PPARGC1A: variants seen among roughly 807,000 people sequenced by gnomAD.
PPARGC1A encodes peroxisome proliferator-activated receptor gamma coactivator 1-alpha.
In PPARGC1A, 25 loss-of-function variants were observed where a neutral mutation model predicts 88.7. The ratio of observed to expected loss-of-function variants is 0.28; its 90% CI spans 0.21 to 0.39. The LOEUF (loss-of-function observed/expected upper bound fraction) is 0.39, where lower values mean the gene tolerates loss of function less well. Ranked by LOEUF, PPARGC1A falls within the 10% of genes least tolerant of loss-of-function variation. PPARGC1A has a pLI of 1.00. For missense variants in PPARGC1A, 880 were observed against 968.7 expected (o/e 0.91, Z 1.22); for synonymous variants, 363 against 355.6 (o/e 1.02, Z -0.24).
the PPARGC1A span, among the ~76,000 whole-genome samples, chr4:24,265,615 G>C: frequency 1.3e-5 from 2 of 152,078 alleles, no homozygotes; most frequent in African/African-American, 4.8e-5. Context: ...ATTCCATAGG[G>C]ATGTGTTGAT....
chr4:23,800,082 A>G (rs1718385742), intron 12 of PPARGC1A, among the ~76,000 whole-genome samples: 1 of 152,194 alleles, frequency 6.6e-6, no homozygotes, highest in African/African-American at 2.4e-5. Context: ...AACAATGCAC[A>G]TCACCTGTAT....
the PPARGC1A span, among the ~76,000 whole-genome samples, chr4:24,398,768 A>G: frequency 1.3e-5 from 2 of 152,188 alleles, no homozygotes; most frequent in Non-Finnish European, 1.5e-5. Flanking sequence ...GCATTTCTCC[A>G]GGGGTTAATG....
chr4:24,410,680 G>A, the PPARGC1A span, among the ~76,000 whole-genome samples: 1 of 152,286 alleles, frequency 6.6e-6, no homozygotes, highest in Admixed American at 6.5e-5. Flanking sequence ...AGCACAGCTA[G>A]AATAAAGCAG....
At chr4:24,205,151 G>A in the PPARGC1A span, among the ~76,000 whole-genome samples, 1 of 152,130 alleles carries the variant, frequency 6.6e-6, no homozygotes, top group African/African-American at 2.4e-5. Flanking sequence ...CTGAGTGTCA[G>A]CAGCAGGAAA....
the PPARGC1A span, among the ~76,000 whole-genome samples, chr4:23,978,513 C>T: frequency 6.6e-6 from 1 of 152,166 alleles, no homozygotes; most frequent in Admixed American, 6.5e-5. Context: ...ATCTTGCCCA[C>T]ATCATCTATG....
chr4:23,988,873 A>C, the PPARGC1A span, among the ~76,000 whole-genome samples: 4 of 147,686 alleles, frequency 2.7e-5, no homozygotes, highest in Admixed American at 6.8e-5. Flanking sequence ...ATATTTATAC[A>C]TATAATAGTA....
the PPARGC1A span, among the ~76,000 whole-genome samples, chr4:24,385,021 G>C: frequency 6.6e-6 from 1 of 151,950 alleles, no homozygotes; most frequent in Non-Finnish European, 1.5e-5. Flanking sequence ...AATGCAAACA[G>C]AAATCATAAC....
At chr4:24,461,573 C>T in the PPARGC1A span, among the ~76,000 whole-genome samples, 1 of 152,020 alleles carries the variant, frequency 6.6e-6, no homozygotes, top group East Asian at 1.9e-4. Context: ...TTCATATGCA[C>T]GCACATATCA....
At chr4:24,448,339 T>C in the PPARGC1A span, among the ~76,000 whole-genome samples, 1 of 152,216 alleles carries the variant, frequency 6.6e-6, no homozygotes, top group African/African-American at 2.4e-5. Flanking sequence ...TTTAGGTGAA[T>C]GCCTCTCCAT....
chr4:24,139,781 C>T, the PPARGC1A span, among the ~76,000 whole-genome samples: 1 of 152,092 alleles, frequency 6.6e-6, no homozygotes, highest in Non-Finnish European at 1.5e-5. Flanking sequence ...AGACTGCACG[C>T]TCAGTGACTC....
At chr4:23,962,680 G>A in the PPARGC1A span, among the ~76,000 whole-genome samples, 1 of 152,188 alleles carries the variant, frequency 6.6e-6, no homozygotes, top group African/African-American at 2.4e-5. Context: ...TTGGTCTGTT[G>A]AGAGCACAGG....
intron 1 of PPARGC1A, among the ~76,000 whole-genome samples, chr4:23,885,595 G>A (rs1716733451): frequency 6.6e-6 from 1 of 152,012 alleles, no homozygotes; most frequent in African/African-American, 2.4e-5. Context: ...TAAGATGAAG[G>A]ACAAAAATCA....
the PPARGC1A span, among the ~76,000 whole-genome samples, chr4:24,210,527 T>C: frequency 1.3e-5 from 2 of 152,212 alleles, no homozygotes; most frequent in Non-Finnish European, 1.5e-5. Flanking sequence ...CATAGTGTTT[T>C]GTTATTTTTT....
the PPARGC1A span, among the ~76,000 whole-genome samples, chr4:23,997,933 C>T: frequency 1.2e-3 from 188 of 152,254 alleles, 1 homozygote; most frequent in African/African-American, 4.2e-3. Context: ...TTCTCTTTAT[C>T]GTTCCCTGGA....
chr4:24,170,776 C>T, the PPARGC1A span, among the ~76,000 whole-genome samples: 1 of 152,196 alleles, frequency 6.6e-6, no homozygotes, highest in African/African-American at 2.4e-5. Flanking sequence ...GCATTTAACA[C>T]CTGATCCATC....
the PPARGC1A span, among the ~76,000 whole-genome samples, chr4:24,397,827 G>A: frequency 1.3e-5 from 2 of 152,166 alleles, no homozygotes; most frequent in African/African-American, 4.8e-5. Context: ...GCTTAAAACA[G>A]CGAGATGCAA....
the PPARGC1A span, among the ~76,000 whole-genome samples, chr4:24,169,521 A>G: frequency 6.6e-6 from 1 of 152,090 alleles, no homozygotes; most frequent in Non-Finnish European, 1.5e-5. Flanking sequence ...CTATCTTTGC[A>G]GTTTTTCTGT....
the PPARGC1A span, among the ~76,000 whole-genome samples, chr4:23,990,709 C>CACT: frequency 6.6e-6 from 1 of 151,954 alleles, no homozygotes; most frequent in Non-Finnish European, 1.5e-5. Context: ...CTGGAAGCAT[C>CACT]ACTAACTCGG....
intron 10 of PPARGC1A, among the ~76,000 whole-genome samples, chr4:23,807,722 G>A (rs1287763976): frequency 6.6e-6 from 1 of 151,552 alleles, no homozygotes; most frequent in Admixed American, 6.6e-5. Context: ...TCCTTGTGTT[G>A]TGTTTTTTTC....
Sources: allele counts gnomAD v4.1 joint callset (sites outside exome capture counted in the v4.1 genomes callset), GRCh38; gene constraint gnomAD v4.1.1; transcripts MANE v1.5; gene names NCBI Gene and HGNC (gene_info 2026-07-23, HGNC 2026-07-21).